EPHA3: variants seen among roughly 807,000 people sequenced by gnomAD.
EPHA3 encodes EPH receptor A3, also known as ephrin type-A receptor 3.
A neutral mutation model predicts 107.1 loss-of-function variants in EPHA3; 42 were observed. The observed-to-expected ratio is 0.39, with a 90% CI of 0.31 to 0.51. The LOEUF (loss-of-function observed/expected upper bound fraction) is 0.51, where lower values mean the gene tolerates loss of function less well. Ranked by LOEUF, EPHA3 falls within the 20% of genes least tolerant of loss-of-function variation. The pLI, the probability that EPHA3 is intolerant of heterozygous loss-of-function variation, is 0.78. For synonymous variants in EPHA3, 461 were observed against 424.8 expected (o/e 1.09, Z -1.05); for missense variants, 1,183 against 1,211.2 (o/e 0.98, Z 0.35).
At chr3:89,142,936 A>G (rs1315348432) in intron 2 of EPHA3, among the ~76,000 whole-genome samples, 1 of 151,420 alleles carries the variant, frequency 6.6e-6, no homozygotes, top group African/African-American at 2.4e-5. Flanking sequence ...TGAACAGTTA[A>G]CTAGCTGTAA....
Position 89,384,473 on chromosome 3 carries a change from C to T in EPHA3, c.1307-11364C>T, listed in dbSNP as rs112011570. Reference sequence around the variant, plus strand: ...CGCTCTCTGGGAATAAAGATTTGATCTTCTCCTTGTGGATTGTTTACATTT... The same window carrying T: ...CGCTCTCTGGGAATAAAGATTTGATTTTCTCCTTGTGGATTGTTTACATTT... On this transcript the variant is annotated intron_variant, in intron 5 of 16. Coordinates refer to ENST00000336596, the MANE Select transcript of EPHA3 (RefSeq NM_005233.6). 5.4e-3 allele frequency among the ~76,000 whole-genome samples: 817 copies of T among 152,248 alleles called. 8 individuals carry two copies. Among genetic ancestry groups the T allele is most frequent in the African/African-American group, 0.019 (782 of 41,560 alleles).
chr3:89,348,052 T>C lies in EPHA3; in HGVS notation c.1306+5962T>C, dbSNP rs1218993658. ...TTGAGGATTTTTGCATCAATGTTCA[T>C]CAAGGATATTGGTCTAAAATTCTCT... On this transcript the variant is annotated intron_variant, in intron 5 of 16. Transcript: ENST00000336596. Among the ~76,000 whole-genome samples the C allele has an allele frequency of 1.3e-5, 2 of 150,344 alleles. 1 individual carries two copies. Among genetic ancestry groups the C allele is most frequent in the Non-Finnish European group, 3.0e-5 (2 of 67,252 alleles).
chr3:89,123,601 C>T (rs1203037569), intron 1 of EPHA3, among the ~76,000 whole-genome samples: 1 of 152,048 alleles, frequency 6.6e-6, no homozygotes, highest in Non-Finnish European at 1.5e-5. Flanking sequence ...GAATATAAGC[C>T]CCTTCTAGTC....
At chr3:89,346,222 A>G (rs1480465202) in intron 5 of EPHA3, among the ~76,000 whole-genome samples, 2 of 125,930 alleles carry the variant, frequency 1.6e-5, no homozygotes, top group African/African-American at 6.3e-5. Context: ...GAACTAGTTT[A>G]CAGTCCCACC....
intron 3 of EPHA3, among the ~76,000 whole-genome samples, chr3:89,239,689 C>T (rs1425215684): frequency 6.6e-6 from 1 of 152,072 alleles, no homozygotes; most frequent in Non-Finnish European, 1.5e-5. Flanking sequence ...TCTTTTATGA[C>T]CTTTTGAAAA....
chr3:89,131,196 A>G (rs1164993400), intron 2 of EPHA3, among the ~76,000 whole-genome samples: 9 of 152,188 alleles, frequency 5.9e-5, no homozygotes, highest in Admixed American at 5.9e-4. Flanking sequence ...ATCTGGCATT[A>G]TATTTGGTGA....
At chr3:89,207,726 A>G (rs1243056900) in intron 2 of EPHA3, among the ~76,000 whole-genome samples, 2 of 152,138 alleles carry the variant, frequency 1.3e-5, no homozygotes, top group South Asian at 2.1e-4. Context: ...CAAGGGTTTT[A>G]TTCATAAATT....
chr3:89,357,415 C>G (rs1185016285), intron 5 of EPHA3, among the ~76,000 whole-genome samples: 2 of 150,464 alleles, frequency 1.3e-5, no homozygotes, highest in Admixed American at 6.7e-5. Context: ...GTCAGATGAC[C>G]CCAAAATTAA....
chr3:89,238,523 T>C (rs1229465054), intron 3 of EPHA3, among the ~76,000 whole-genome samples: 3 of 152,226 alleles, frequency 2.0e-5, no homozygotes. Context: ...AAGAAACTAT[T>C]CTTCTTTAAC....
intron 2 of EPHA3, among the ~76,000 whole-genome samples, chr3:89,151,518 G>A (rs1336048379): frequency 6.6e-6 from 1 of 152,062 alleles, no homozygotes; most frequent in Non-Finnish European, 1.5e-5. Context: ...CTATGACTTA[G>A]GGTCAGCATA....
intron 1 of EPHA3, among the ~76,000 whole-genome samples, chr3:89,119,932 G>A (rs993695559): frequency 2.6e-5 from 4 of 152,096 alleles, no homozygotes; most frequent in Non-Finnish European, 5.9e-5. Flanking sequence ...TACTACATTA[G>A]AGTTATTCTG....
At chr3:89,383,046 A>G (rs1708543179) in intron 5 of EPHA3, among the ~76,000 whole-genome samples, 1 of 152,226 alleles carries the variant, frequency 6.6e-6, no homozygotes, top group Non-Finnish European at 1.5e-5. Flanking sequence ...AATATTGAGT[A>G]AAACATACAA....
chr3:89,301,591 CTA>C (rs1222237582), intron 3 of EPHA3, among the ~76,000 whole-genome samples: 1 of 151,984 alleles, frequency 6.6e-6, no homozygotes, highest in Non-Finnish European at 1.5e-5. Context: ...ATTTCAGCAA[CTA>C]TTTTCACAGA....
At chr3:89,293,737 C>A (rs1387849994) in intron 3 of EPHA3, among the ~76,000 whole-genome samples, 2 of 152,146 alleles carry the variant, frequency 1.3e-5, no homozygotes, top group African/African-American at 4.8e-5. Context: ...TCGTCTACTG[C>A]CACGATTGTA....
At chr3:89,466,704 A>G (rs1475795662) in intron 15 of EPHA3, among the ~76,000 whole-genome samples, 8 of 133,146 alleles carry the variant, frequency 6.0e-5, no homozygotes, top group Non-Finnish European at 8.3e-5. Context: ...CACGGTGCGC[A>G]CACACACTGG....
intron 3 of EPHA3, among the ~76,000 whole-genome samples, chr3:89,294,203 T>G (rs926265858): frequency 6.6e-6 from 1 of 152,170 alleles, no homozygotes; most frequent in Non-Finnish European, 1.5e-5. Context: ...CTATAATTTA[T>G]TTTTATTAAT....
At chr3:89,277,437 A>C (rs1277745349) in intron 3 of EPHA3, among the ~76,000 whole-genome samples, 1 of 152,164 alleles carries the variant, frequency 6.6e-6, no homozygotes, top group Non-Finnish European at 1.5e-5. Flanking sequence ...TGATATTTGA[A>C]ATTTTAAAGT....
At chr3:89,388,349 A>T (rs1256929612) in intron 5 of EPHA3, among the ~76,000 whole-genome samples, 2 of 152,186 alleles carry the variant, frequency 1.3e-5, no homozygotes, top group African/African-American at 2.4e-5. Context: ...TACTGTAAGC[A>T]AATGATGTAA....
chr3:89,354,085 C>G (rs1576331357), intron 5 of EPHA3, among the ~76,000 whole-genome samples: 1 of 151,030 alleles, frequency 6.6e-6, no homozygotes, highest in Non-Finnish European at 1.5e-5. Context: ...ACTATATTCC[C>G]CCAAGGGCAA....
Sources: gnomAD v4.1 joint callset for allele counts (sites outside exome capture counted in the v4.1 genomes callset) on GRCh38, gnomAD v4.1.1 for gene constraint, MANE v1.5 for transcripts, NCBI Gene and HGNC (gene_info 2026-07-23, HGNC 2026-07-21) for gene names.